The following USH2A variants were observed in gnomAD, a reference collection of about 807,000 sequenced individuals.
The protein encoded by USH2A is usherin, also known as Usher syndrome 2A (autosomal recessive, mild).
USH2A carries 443 observed loss-of-function variants against 538.9 expected under a neutral mutation model. The ratio of observed to expected loss-of-function variants is 0.82; its 90% CI spans 0.76 to 0.89. The LOEUF is 0.89. USH2A is among the 40% of genes least tolerant of loss of function. The pLI is 0.00. For missense variants in USH2A, 6,633 were observed against 6,324.8 expected, an observed-to-expected ratio of 1.05 and a Z score of -1.65; for synonymous variants, 2,413 against 2,273.5, an observed-to-expected ratio of 1.06 and a Z score of -1.75.
At chr1:216,204,222 T>C (rs2035062476) in intron 16 of USH2A, 1 of 152,446 alleles carries the variant, frequency 6.6e-6, no homozygotes, top group African/African-American at 2.4e-5. Flanking sequence ...TTTCCTCCAA[T>C]AACTGTTCAC....
At chr1:216,148,583 C>T (rs1198621712) in intron 21 of USH2A, among the ~76,000 whole-genome samples, 5 of 152,152 alleles carry the variant, frequency 3.3e-5, no homozygotes, top group African/African-American at 4.8e-5. Flanking sequence ...TGTTATCACC[C>T]GCCTGCTACA....
At chr1:216,385,368 A>G (rs1220325847) in intron 3 of USH2A, among the ~76,000 whole-genome samples, 2 of 152,204 alleles carry the variant, frequency 1.3e-5, no homozygotes, top group Admixed American at 1.3e-4. Context: ...AAAGAATGTG[A>G]CATGTTTACA....
chr1:216,387,568 C>CTTTA (rs2039028675), intron 3 of USH2A, among the ~76,000 whole-genome samples: 1 of 152,118 alleles, frequency 6.6e-6, no homozygotes, highest in African/African-American at 2.4e-5. Context: ...ATAGACTTTG[C>CTTTA]TTTAATACAG....
intron 4 of USH2A, among the ~76,000 whole-genome samples, chr1:216,358,645 G>A (rs989691670): frequency 1.3e-5 from 2 of 151,968 alleles, no homozygotes; most frequent in African/African-American, 4.8e-5. Flanking sequence ...GATACAGTAG[G>A]TACGACTGTA....
chr1:215,648,706 A>C lies in USH2A; in HGVS notation c.14404T>G (p.Ser4802Ala), dbSNP rs200375504. Reference protein sequence around the residue: ...LHGLQAFTNYSIGVEACTCFN... With the variant: ...LHGLQAFTNYAIGVEACTCFN... ...CAGGTGCAGGCCTCTACTCCAATAG[A>C]GTAGTTAGTGAAGGCTTGAAGGCCA... The change falls in exon 66 of 72, where the codon TCT becomes GCT. Residue 4802 changes from serine (S) to alanine (A), a missense_variant. By Grantham distance (99) the Ser-to-Ala change is moderately conservative (BLOSUM62 1). Coordinates refer to ENST00000307340, the MANE Select transcript of USH2A (RefSeq NM_206933.4). 6.2e-6 allele frequency: 10 copies of C among 1,614,154 alleles called. No homozygotes were observed. The African/African-American group carries it at 1.2e-4, about 19-fold the overall frequency.
At chr1:215,705,218 G>A (rs748304618) in intron 61 of USH2A, among the ~76,000 whole-genome samples, 21 of 152,114 alleles carry the variant, frequency 1.4e-4, no homozygotes, top group Admixed American at 4.6e-4. Context: ...ACTTAGATGT[G>A]TATTTTATAC....
intron 11 of USH2A, among the ~76,000 whole-genome samples, chr1:216,266,272 C>T (rs1444184996): frequency 6.6e-6 from 1 of 152,024 alleles, no homozygotes; most frequent in East Asian, 1.9e-4. Flanking sequence ...AAGGTGCAAT[C>T]TCATGAAGCA....
chr1:216,000,254 A>AGGCTGGCAAGTG, intron 33 of USH2A, 149 bp downstream of exon 33: 1 of 1,103,782 alleles, frequency 9.1e-7, no homozygotes, highest in Non-Finnish European at 1.3e-6. Flanking sequence ...GGCAAGTGAT[A>AGGCTGGCAAGTG]ATCAAAGGTT....
At chr1:215,802,292 C>T (rs1662359485) in intron 49 of USH2A, among the ~76,000 whole-genome samples, 1 of 151,904 alleles carries the variant, frequency 6.6e-6, no homozygotes, top group South Asian at 2.1e-4. Context: ...ATATTAATAA[C>T]TTTTTGGCAT....
chr1:215,930,013 G>A (rs1666324842), intron 38 of USH2A, among the ~76,000 whole-genome samples: 1 of 151,790 alleles, frequency 6.6e-6, no homozygotes, highest in Non-Finnish European at 1.5e-5. Context: ...TCAATTTTTG[G>A]TTCTCTAATA....
At chr1:216,039,884 A>G (rs2030188413) in intron 32 of USH2A, among the ~76,000 whole-genome samples, 1 of 151,948 alleles carries the variant, frequency 6.6e-6, no homozygotes, top group Non-Finnish European at 1.5e-5. Context: ...GTTCTCTTTG[A>G]CCTTGGCAAA....
intron 49 of USH2A, among the ~76,000 whole-genome samples, chr1:215,811,577 T>A (rs945115660): frequency 1.3e-5 from 2 of 149,232 alleles, no homozygotes; most frequent in Non-Finnish European, 3.0e-5. Flanking sequence ...GCATTCCTCA[T>A]TCCCTAGCCC....
chr1:216,106,630 T>G (rs1328043739), intron 21 of USH2A, among the ~76,000 whole-genome samples: 1 of 151,554 alleles, frequency 6.6e-6, no homozygotes, highest in Non-Finnish European at 1.5e-5. Context: ...GCAAATCAAT[T>G]CTGGGCTTTG....
chr1:215,785,822 C>T (rs887975038), intron 52 of USH2A, among the ~76,000 whole-genome samples: 3 of 151,952 alleles, frequency 2.0e-5, no homozygotes, highest in Admixed American at 6.6e-5. Context: ...TTGAGTAAAG[C>T]AGACTGATGA....
chr1:215,660,263 GTTGT>G (rs1273944063), intron 64 of USH2A, among the ~76,000 whole-genome samples: 2 of 152,202 alleles, frequency 1.3e-5, no homozygotes, highest in Non-Finnish European at 2.9e-5. Flanking sequence ...ATTTCAAATG[GTTGT>G]TTGAGATTAA....
chr1:215,901,935 T>A (rs940080009), intron 38 of USH2A, among the ~76,000 whole-genome samples: 2 of 152,150 alleles, frequency 1.3e-5, no homozygotes, highest in African/African-American at 4.8e-5. Context: ...AAAGTAGGTA[T>A]AATATTTTTC....
intron 67 of USH2A, among the ~76,000 whole-genome samples, chr1:215,643,083 C>A (rs142229867): frequency 6.6e-6 from 1 of 152,114 alleles, no homozygotes; most frequent in Non-Finnish European, 1.5e-5. Context: ...GCAACCTCCG[C>A]CTCCCAGGTT....
At chr1:215,851,436 C>T (rs1196226156) in intron 44 of USH2A, among the ~76,000 whole-genome samples, 1 of 152,048 alleles carries the variant, frequency 6.6e-6, no homozygotes, top group Non-Finnish European at 1.5e-5. Context: ...TGCAAATAAA[C>T]TAGAAAACCT....
Position 215,650,706 on chromosome 1 carries a change from G to A in USH2A, c.14229C>T (p.Phe4743=), listed in dbSNP as rs1657041400. The A allele has an allele frequency of 3.1e-6, 5 of 1,614,036 alleles. No individual in the cohort carries two copies. The highest frequency in any genetic ancestry group is 1.7e-4 in the Middle Eastern group (1 of 6,060). Residue 4743 remains phenylalanine, a synonymous_variant, in exon 65 of 72, where the codon TTC becomes TTT. Coordinates refer to ENST00000307340, the MANE Select transcript of USH2A (RefSeq NM_206933.4). ...APPEGLRAPT[F]HVISSTQAVV... ...CTGCTTGGGTAGAAGAGATCACATG[G>A]AACGTGGGGGCTCTGAGACCTTCTG...
Sources: allele counts gnomAD v4.1 joint callset (sites outside exome capture counted in the v4.1 genomes callset), GRCh38; gene constraint gnomAD v4.1.1; transcripts MANE v1.5; gene names NCBI Gene and HGNC (gene_info 2026-07-23, HGNC 2026-07-21).